The following C8orf34 variants were observed in gnomAD, a reference collection of about 807,000 sequenced individuals.
C8orf34 encodes uncharacterized protein C8orf34.
C8orf34 carries 65 observed loss-of-function variants against 68.3 expected under a neutral mutation model. That is an observed-to-expected ratio of 0.95 (90% CI 0.78 to 1.17). The LOEUF is 1.17. Ranked by LOEUF, C8orf34 falls within the 50% of genes most tolerant of loss-of-function variation. The pLI, the probability that C8orf34 is intolerant of heterozygous loss-of-function variation, is 0.00. For synonymous variants in C8orf34, 244 were observed against 241.2 expected (o/e 1.01, Z -0.11); for missense variants, 664 against 655.4 (o/e 1.01, Z -0.14).
intron 7 of C8orf34, among the ~76,000 whole-genome samples, chr8:68,630,754 G>T (rs1313553475): frequency 1.3e-4 from 20 of 151,546 alleles, no homozygotes; most frequent in Admixed American, 1.3e-3. Flanking sequence ...TTATTTAATT[G>T]GTTTTTAATA....
rs540187335 is a variant in C8orf34, at chr8:68,629,613, A to G, written c.1106-10763A>G. 1.8e-4 allele frequency among the ~76,000 whole-genome samples: 28 copies of G among 152,312 alleles called. 1 individual carries two copies. In the South Asian group the frequency reaches 3.9e-3, roughly 21 times the overall value. ...TAATTATCAAATTATACAAAATCTT[A>G]TGGTCAACAAATATCAATGAATGCC... On this transcript the variant is annotated intron_variant, in intron 7 of 13. Transcript: ENST00000518698.
At chr8:68,535,124 TCAA>T (rs1815408692) in intron 7 of C8orf34, 2 of 984,862 alleles carry the variant, frequency 2.0e-6, no homozygotes, top group Non-Finnish European at 2.4e-6. Flanking sequence ...AATGCCATAT[TCAA>T]TTTCTTGTTT....
chr8:68,345,642 C>G (rs879407134), intron 1 of C8orf34, among the ~76,000 whole-genome samples: 2 of 151,722 alleles, frequency 1.3e-5, no homozygotes, highest in Non-Finnish European at 2.9e-5. Context: ...GTAATTAATA[C>G]AGAAAGGAAT....
At chr8:68,348,775 G>T (rs899952833) in intron 1 of C8orf34, among the ~76,000 whole-genome samples, 4 of 151,898 alleles carry the variant, frequency 2.6e-5, no homozygotes, top group Non-Finnish European at 4.4e-5. Context: ...TTTGGCTGTT[G>T]TTGGTGTACA....
rs1816025443 is a variant in C8orf34 at position 68,550,384 on chromosome 8, T to G, written c.1105+17235T>G. ...ATACCTTGTAATATCAAAATACTCC[T>G]AATTCTTCCCTAATATTCCTTGTAT... On this transcript the variant is annotated intron_variant, in intron 7 of 13. Coordinates refer to ENST00000518698, the MANE Select transcript of C8orf34 (RefSeq NM_052958.4). 3.3e-5 allele frequency among the ~76,000 whole-genome samples: 5 copies of G among 151,988 alleles called. No individual in the cohort carries two copies. In the South Asian group the frequency reaches 1.0e-3, roughly 31 times the overall value.
At chr8:68,449,702 CAAA>C in intron 3 of C8orf34, among the ~76,000 whole-genome samples, 1 of 152,042 alleles carries the variant, frequency 6.6e-6, no homozygotes, top group Non-Finnish European at 1.5e-5. Context: ...ACTTTATTGC[CAAA>C]GATTCGAACA....
intron 7 of C8orf34, among the ~76,000 whole-genome samples, chr8:68,583,703 A>G (rs958836694): frequency 7.9e-5 from 12 of 152,170 alleles, no homozygotes; most frequent in African/African-American, 2.2e-4. Context: ...AAGACTTGTA[A>G]TTTTCAACTA....
intron 8 of C8orf34, among the ~76,000 whole-genome samples, chr8:68,686,387 A>G (rs529689979): frequency 1.3e-5 from 2 of 152,256 alleles, no homozygotes; most frequent in East Asian, 3.9e-4. Flanking sequence ...TCCTCAACAA[A>G]ATACCAACTA....
intron 7 of C8orf34, among the ~76,000 whole-genome samples, chr8:68,571,720 TTA>T (rs1253829031): frequency 1.3e-5 from 2 of 152,182 alleles, no homozygotes; most frequent in Admixed American, 1.3e-4. Flanking sequence ...GGCCTTCTTT[TTA>T]TATTTTAATG....
rs1563472716 is a variant in C8orf34, at chr8:68,478,026, C to G, written c.736+9206C>G. 2.0e-5 allele frequency among the ~76,000 whole-genome samples: 3 copies of G among 152,140 alleles called. No individual in the cohort carries two copies. The South Asian group carries it at 6.2e-4, about 32-fold the overall frequency. ...GCTGCCATGAATACCTCTGACATGC[C>G]CTGGAGACATTTTCCCCATTGTCTT... On this transcript the variant is annotated intron_variant, in intron 4 of 13. Transcript: ENST00000518698.
chr8:68,552,058 T>C (rs1243916721), intron 7 of C8orf34, among the ~76,000 whole-genome samples: 1 of 152,176 alleles, frequency 6.6e-6, no homozygotes, highest in African/African-American at 2.4e-5. Context: ...AGTTTATTTC[T>C]GGACTCTCAA....
At chr8:68,578,179 C>T (rs1205492315) in intron 7 of C8orf34, among the ~76,000 whole-genome samples, 4 of 151,914 alleles carry the variant, frequency 2.6e-5, no homozygotes, top group Non-Finnish European at 5.9e-5. Flanking sequence ...TTACTATAGA[C>T]TTAAAAATGA....
intron 4 of C8orf34, among the ~76,000 whole-genome samples, chr8:68,470,631 A>T (rs778192067): frequency 6.6e-6 from 1 of 152,030 alleles, no homozygotes; most frequent in Non-Finnish European, 1.5e-5. Context: ...TAACAACAGA[A>T]ATTTGTTTCT....
intron 12 of C8orf34, among the ~76,000 whole-genome samples, chr8:68,803,112 T>C (rs1824379953): frequency 6.6e-6 from 1 of 152,082 alleles, no homozygotes; most frequent in Non-Finnish European, 1.5e-5. Context: ...AACACTTCCA[T>C]AGAATACAAG....
intron 5 of C8orf34, among the ~76,000 whole-genome samples, chr8:68,491,174 G>T (rs1231490857): frequency 6.6e-6 from 1 of 151,486 alleles, no homozygotes; most frequent in Non-Finnish European, 1.5e-5. Flanking sequence ...TCTGAGAAAG[G>T]TAATAAGAAT....
At chr8:68,584,238 T>G (rs1004419067) in intron 7 of C8orf34, among the ~76,000 whole-genome samples, 7 of 152,154 alleles carry the variant, frequency 4.6e-5, no homozygotes, top group African/African-American at 1.7e-4. Flanking sequence ...CCACTCCATT[T>G]TGCCCCCAAA....
At chr8:68,476,493 C>A (rs114302040) in intron 4 of C8orf34, among the ~76,000 whole-genome samples, 11 of 152,154 alleles carry the variant, frequency 7.2e-5, no homozygotes, top group African/African-American at 2.2e-4. Context: ...TTGAAAAGGC[C>A]AAAAGGATGA....
chr8:68,810,894 G>A (rs765302461), intron 12 of C8orf34, among the ~76,000 whole-genome samples: 5 of 152,136 alleles, frequency 3.3e-5, no homozygotes, highest in Non-Finnish European at 7.3e-5. Context: ...TGGTCCATGC[G>A]TGCGCCTAGG....
chr8:68,674,783 A>G (rs72666774), intron 8 of C8orf34, among the ~76,000 whole-genome samples: 22,139 of 152,066 alleles, frequency 0.15, 1,737 homozygotes, highest in Middle Eastern at 0.23. Flanking sequence ...ATGTCCACGT[A>G]CAAGAAGGTT....
Sources: gnomAD v4.1 joint callset for allele counts (sites outside exome capture counted in the v4.1 genomes callset) on GRCh38, gnomAD v4.1.1 for gene constraint, MANE v1.5 for transcripts, NCBI Gene and HGNC (gene_info 2026-07-23, HGNC 2026-07-21) for gene names.